The following SLC25A33 variants were observed in gnomAD, a reference collection of about 807,000 sequenced individuals.
The protein encoded by SLC25A33 is solute carrier family 25 member 33, also known as bone marrow stromal cell mitochondrial carrier protein.
Under a neutral mutation model 35.5 loss-of-function variants are expected in SLC25A33, and 15 were observed. The ratio of observed to expected loss-of-function variants is 0.42; its 90% confidence interval spans 0.28 to 0.65. The LOEUF is 0.65. Ranked by LOEUF, SLC25A33 falls within the 30% of genes least tolerant of loss-of-function variation. SLC25A33 has a pLI of 0.20. For synonymous variants in SLC25A33, 136 were observed against 148.7 expected (o/e 0.91, Z 0.62); for missense variants, 257 against 398.5 (o/e 0.64, Z 3.02).
At chr1:9,541,950 C>A (rs1027030293) in intron 1 of SLC25A33, among the ~76,000 whole-genome samples, 3 of 152,096 alleles carry the variant, frequency 2.0e-5, no homozygotes, top group Non-Finnish European at 2.9e-5. Context: ...CAGGTGCCCG[C>A]CACCACGCCC....
Position 9,571,229 on chromosome 1 carries a change from G to A in SLC25A33, c.415+871G>A, listed in dbSNP as rs917618211. Reference sequence around the variant, plus strand: ...CCACTTCCTACTGAAAAGCCATAGCGGGACTTCTTCCCCGGGATGTACTTG... The same window carrying A: ...CCACTTCCTACTGAAAAGCCATAGCAGGACTTCTTCCCCGGGATGTACTTG... On this transcript the variant is annotated intron_variant, in intron 4 of 6. Coordinates refer to ENST00000302692, the MANE Select transcript of SLC25A33 (RefSeq NM_032315.3). Among the ~76,000 whole-genome samples, 13 of 152,264 alleles carry A rather than the reference G, an allele frequency of 8.5e-5. No homozygotes were observed. In the South Asian group the frequency reaches 2.1e-3, roughly 24 times the overall value.
intron 2 of SLC25A33, among the ~76,000 whole-genome samples, chr1:9,561,615 TTA>T (rs1304868555): frequency 3.5e-4 from 53 of 152,246 alleles, no homozygotes; most frequent in African/African-American, 1.2e-3. Context: ...CCAACTGTTA[TTA>T]TGTGTAACTA....
chr1:9,561,680 A>G (rs1392211714), intron 2 of SLC25A33, among the ~76,000 whole-genome samples: 2 of 152,136 alleles, frequency 1.3e-5, no homozygotes, highest in Non-Finnish European at 2.9e-5. Flanking sequence ...TGAGGACACG[A>G]GTTCCCTACT....
At chr1:9,557,941 CTT>C (rs1174956853) in intron 2 of SLC25A33, among the ~76,000 whole-genome samples, 1 of 152,164 alleles carries the variant, frequency 6.6e-6, no homozygotes, top group African/African-American at 2.4e-5. Context: ...TATTTAATAA[CTT>C]TCAAGTAAAG....
intron 2 of SLC25A33, among the ~76,000 whole-genome samples, chr1:9,563,374 G>A (rs916152550): frequency 1.6e-4 from 24 of 152,130 alleles, no homozygotes; most frequent in African/African-American, 5.8e-4. Context: ...AAAATTAGGA[G>A]AAGAGAAGCT....
Position 9,582,472 on chromosome 1 carries a change from G to T in SLC25A33, c.937G>T (p.Val313Leu). The change falls in exon 7 of 7, where the codon GTG (valine) becomes TTG (leucine). Residue 313 changes from valine (V) to leucine (L), a missense_variant. Val to Leu is a conservative substitution (Grantham distance 32, BLOSUM62 1). Transcript: ENST00000302692. This position sits in a 1 kb window ranked among gnomAD's most constrained non-coding sequence, Gnocchi z 4.0. Reference protein sequence around the residue: ...AIVLSTYELIVYLLEDRTQ With the variant: ...AIVLSTYELILYLLEDRTQ Reference sequence around the variant, plus strand: ...TGTGTTGTCTACTTATGAGTTAATTGTGTACCTGTTAGAAGACCGTACTCA... The same window carrying T: ...TGTGTTGTCTACTTATGAGTTAATTTTGTACCTGTTAGAAGACCGTACTCA... 1 of 1,613,668 alleles carries T rather than the reference G, an allele frequency of 6.2e-7. No individual in the cohort carries two copies. Among genetic ancestry groups the T allele is most frequent in the Non-Finnish European group, 8.5e-7 (1 of 1,179,744 alleles).
intron 2 of SLC25A33, among the ~76,000 whole-genome samples, chr1:9,557,390 ATTAT>A (rs1643359289): frequency 6.6e-6 from 1 of 152,180 alleles, no homozygotes; most frequent in Admixed American, 6.6e-5. Context: ...CCTCAGCTTT[ATTAT>A]ATATTTTTAA....
In SLC25A33 at chr1:9,578,286, G is replaced by A. The variant is rs906354959; in HGVS notation, c.483-1668G>A. On this transcript the variant is annotated intron_variant, in intron 5 of 6. Transcript: ENST00000302692. This position sits in a 1 kb window ranked among gnomAD's most constrained non-coding sequence, Gnocchi z 4.3. Reference sequence around the variant, plus strand: ...TTAGAAAGGTCACTGCCGCTAAGGAGCGGGAACAGTCTATGCGGAGATAAT... The same window carrying A: ...TTAGAAAGGTCACTGCCGCTAAGGAACGGGAACAGTCTATGCGGAGATAAT... 6.6e-6 allele frequency among the ~76,000 whole-genome samples: 1 copy of A among 152,164 alleles called. No individual in the cohort carries two copies. The highest frequency in any genetic ancestry group is 2.4e-5 in the African/African-American group (1 of 41,422).
rs760558611 is a variant in SLC25A33 at position 9,580,126 on chromosome 1, T to C, written c.655T>C (p.Leu219=). 5.6e-6 allele frequency: 9 copies of C among 1,611,188 alleles called. No individual in the cohort carries two copies. In the South Asian group the frequency reaches 6.6e-5, roughly 12 times the overall value. ...SLKKYLKEAP[L]ASSANGTEKN... Reference sequence around the variant, plus strand: ...AAAGAAGTATCTGAAAGAAGCTCCATTAGCCTCTTCTGCAAATGGGACTGA... The same window carrying C: ...AAAGAAGTATCTGAAAGAAGCTCCACTAGCCTCTTCTGCAAATGGGACTGA... The change falls in exon 6 of 7, where the codon TTA becomes CTA. Residue 219 remains leucine (L), a synonymous_variant. Transcript: ENST00000302692.
intron 1 of SLC25A33, among the ~76,000 whole-genome samples, chr1:9,544,118 A>G (rs1176714467): frequency 6.6e-6 from 1 of 152,046 alleles, no homozygotes; most frequent in Non-Finnish European, 1.5e-5. Flanking sequence ...CAGAAGAAAA[A>G]CAAAAAACAA....
rs1335884761 is a variant in SLC25A33, at chr1:9,581,558, G to A, written c.764-741G>A. ...AGGCTGGCCAACATGGCGAAACCCC[G>A]TCTCTACTAAAAATACAAAAATTAG... On this transcript the variant is annotated intron_variant, in intron 6 of 6. Transcript: ENST00000302692. Among the ~76,000 whole-genome samples, 3 of 151,960 alleles carry A rather than the reference G, an allele frequency of 2.0e-5. No homozygotes were observed. The East Asian group carries it at 5.8e-4, about 29-fold the overall frequency.
chr1:9,564,738 AAATATATATATAT>A (rs1485585010), intron 2 of SLC25A33, among the ~76,000 whole-genome samples: 1,548 of 84,590 alleles, frequency 0.018, 51 homozygotes, highest in African/African-American at 0.07. Flanking sequence ...AAAAAAAAAA[AAATATATATATAT>A]ATATATATAT....
At chr1:9,570,846 G>T (rs1410863426) in intron 4 of SLC25A33, among the ~76,000 whole-genome samples, 1 of 151,506 alleles carries the variant, frequency 6.6e-6, no homozygotes, top group Non-Finnish European at 1.5e-5. Flanking sequence ...CTGAGTAGCT[G>T]AGATTACAAG....
chr1:9,575,247 G>T (rs1643646780), intron 5 of SLC25A33, among the ~76,000 whole-genome samples: 1 of 149,938 alleles, frequency 6.7e-6, no homozygotes, highest in Non-Finnish European at 1.5e-5. Flanking sequence ...AAGAACCCCT[G>T]TATTACTGTG....
chr1:9,576,976 T>G, intron 5 of SLC25A33: 1 of 1,224,172 alleles, frequency 8.2e-7, no homozygotes, highest in Non-Finnish European at 1.2e-6. Context: ...TTCAGCAGGC[T>G]GATGAATAAG....
At chr1:9,544,825 A>ATATGCATGTATGCATG (rs1643143472) in intron 1 of SLC25A33, among the ~76,000 whole-genome samples, 1 of 152,154 alleles carries the variant, frequency 6.6e-6, no homozygotes, top group South Asian at 2.1e-4. Context: ...TTAGTGCCCG[A>ATATGCATGTATGCATG]TATGCATGTA....
Position 9,553,760 on chromosome 1 carries a change from T to C in SLC25A33, c.191T>C (p.Met64Thr), listed in dbSNP as rs1282177533. ...VHLGTISGAG[M>T]VRPTSVTPGL... ...CTGGGGACCATTAGTGGAGCTGGAA[T>C]GGTGAGACCAACATCCGTGACACCT... Residue 64 changes from methionine to threonine, a missense_variant, in exon 2 of 7, where the codon ATG becomes ACG. Physicochemically the swap from Met to Thr is moderately conservative, Grantham distance 81. Coordinates refer to ENST00000302692, the MANE Select transcript of SLC25A33 (RefSeq NM_032315.3). 3 of 1,614,204 alleles carry C rather than the reference T, an allele frequency of 1.9e-6. No individual in the cohort carries two copies. The highest frequency in any genetic ancestry group is 2.5e-6 in the Non-Finnish European group (3 of 1,180,038).
intron 2 of SLC25A33, among the ~76,000 whole-genome samples, chr1:9,555,387 G>A (rs1643328058): frequency 6.6e-6 from 1 of 151,920 alleles, no homozygotes; most frequent in African/African-American, 2.4e-5. Flanking sequence ...CAAAGTGTTG[G>A]GATTACAGGC....
chr1:9,550,023 T>TC, intron 1 of SLC25A33, among the ~76,000 whole-genome samples: 1 of 105,476 alleles, frequency 9.5e-6, no homozygotes, highest in Non-Finnish European at 1.8e-5. Flanking sequence ...TTTTTTTTTT[T>TC]TTTTTTTTTT....
Sources: allele counts gnomAD v4.1 joint callset (sites outside exome capture counted in the v4.1 genomes callset), GRCh38; gene constraint gnomAD v4.1.1; non-coding constraint Gnocchi (gnomAD v3.1); transcripts MANE v1.5; gene names NCBI Gene and HGNC (gene_info 2026-07-23, HGNC 2026-07-21).